The following CMKLR1 variants were observed in gnomAD, a reference collection of about 807,000 sequenced individuals.
The protein encoded by CMKLR1 is chemerin chemokine-like receptor 1.
In CMKLR1, 6 loss-of-function variants were observed where a neutral mutation model predicts 8.2. The observed-to-expected ratio is 0.73, with a 90% confidence interval of 0.40 to 1.44. CMKLR1 has a LOEUF of 1.44. Ranked by LOEUF, CMKLR1 falls within the 40% of genes most tolerant of loss-of-function variation. CMKLR1 has a pLI of 0.02. For synonymous variants in CMKLR1, 178 were observed against 181.2 expected, an observed-to-expected ratio of 0.98 and a Z score of 0.14; for missense variants, 429 against 478.0, an observed-to-expected ratio of 0.90 and a Z score of 0.96.
At chr12:108,302,991 A>AAAAC (rs891693699) in intron 2 of CMKLR1, among the ~76,000 whole-genome samples, 2 of 152,196 alleles carry the variant, frequency 1.3e-5, no homozygotes, top group Non-Finnish European at 2.9e-5. Context: ...AGGAAACCCC[A>AAAAC]AAACAAACAA....
intron 2 of CMKLR1, among the ~76,000 whole-genome samples, chr12:108,320,865 G>A (rs1289901607): frequency 6.6e-6 from 1 of 152,216 alleles, no homozygotes; most frequent in African/African-American, 2.4e-5. Flanking sequence ...AGCCAAAAGT[G>A]CTTGTAAACC....
At chr12:108,331,296 G>A (rs1892100893) in intron 1 of CMKLR1, among the ~76,000 whole-genome samples, 1 of 152,152 alleles carries the variant, frequency 6.6e-6, no homozygotes, top group Admixed American at 6.5e-5. Flanking sequence ...AGAGTCAGCA[G>A]GTTCATAAGT....
intron 2 of CMKLR1, among the ~76,000 whole-genome samples, chr12:108,314,733 T>G (rs1232264675): frequency 6.6e-6 from 1 of 152,096 alleles, no homozygotes; most frequent in Non-Finnish European, 1.5e-5. Context: ...TACTCTTTCT[T>G]TTTTCCCCCT....
intron 2 of CMKLR1, among the ~76,000 whole-genome samples, chr12:108,304,210 C>A (rs1280235945): frequency 6.6e-6 from 1 of 152,172 alleles, no homozygotes; most frequent in Non-Finnish European, 1.5e-5. Context: ...GCTATACTCT[C>A]CAGGCACCAA....
At chr12:108,331,270 G>T (rs1207012571) in intron 1 of CMKLR1, among the ~76,000 whole-genome samples, 1 of 152,152 alleles carries the variant, frequency 6.6e-6, no homozygotes, top group African/African-American at 2.4e-5. Flanking sequence ...TCACAGATGG[G>T]AGAACCCCCT....
intron 2 of CMKLR1, among the ~76,000 whole-genome samples, chr12:108,325,232 C>T (rs1261807677): frequency 1.3e-5 from 2 of 152,164 alleles, no homozygotes; most frequent in African/African-American, 2.4e-5. Flanking sequence ...CCTCATGAGT[C>T]GTTCTGGAAA....
chr12:108,297,571 A>G (rs1891169507), intron 2 of CMKLR1, among the ~76,000 whole-genome samples: 1 of 152,228 alleles, frequency 6.6e-6, no homozygotes, highest in Non-Finnish European at 1.5e-5. Context: ...GCAAGACTCC[A>G]TAATAGCCCT....
chr12:108,299,508 C>G (rs1319417280), intron 2 of CMKLR1, among the ~76,000 whole-genome samples: 1 of 152,164 alleles, frequency 6.6e-6, no homozygotes, highest in Non-Finnish European at 1.5e-5. Flanking sequence ...CCACCCCCTG[C>G]CCCCAAATGG....
chr12:108,292,841 A>G lies in CMKLR1; in HGVS notation c.122T>C (p.Ile41Thr), dbSNP rs1308782681. The change falls in exon 4 of 4, where the codon ATC becomes ACC. Residue 41 changes from isoleucine (I) to threonine (T), a missense_variant. Ile to Thr is a moderately conservative substitution (Grantham distance 89). Coordinates refer to ENST00000550402, the MANE Select transcript of CMKLR1 (RefSeq NM_001142343.2). ...GATGCTGTAGACCACCACCAGGAAG[A>G]TCCTGGTCACCCTGGCTTCCAAGGG... ...LSPLEARVTR[I>T]FLVVVYSIVC... 3.7e-6 allele frequency: 6 copies of G among 1,614,130 alleles called. No individual in the cohort carries two copies. In the East Asian group the frequency reaches 1.1e-4, roughly 30 times the overall value.
At position 108,292,453 on chromosome 12, in the gene CMKLR1, C is replaced by A. The variant is rs780728645; in HGVS notation, c.510G>T (p.Leu170Phe). The A allele has an allele frequency of 1.8e-5, 29 of 1,614,024 alleles. No homozygotes were observed. The highest frequency in any genetic ancestry group is 2.1e-5 in the Non-Finnish European group (25 of 1,180,038). The change falls in exon 4 of 4, where the codon TTG becomes TTT. Residue 170 changes from leucine to phenylalanine, a missense_variant. Leu to Phe is a conservative substitution (Grantham distance 22, BLOSUM62 0). Coordinates refer to ENST00000550402, the MANE Select transcript of CMKLR1 (RefSeq NM_001142343.2). ...CMVIWVLAFF[L>F]SSPSLVFRDT... ...CCCGGAAGACGAGAGATGGGGAACTCAAGAAGAAAGCCAGGACCCAGATGA... is the reference window on the plus strand; with the variant it reads ...CCCGGAAGACGAGAGATGGGGAACTAAAGAAGAAAGCCAGGACCCAGATGA...
At chr12:108,303,278 G>A (rs1891325516) in intron 2 of CMKLR1, among the ~76,000 whole-genome samples, 2 of 152,220 alleles carry the variant, frequency 1.3e-5, no homozygotes, top group East Asian at 3.9e-4. Context: ...TGGTCACCAG[G>A]CAGACAGTTG....
rs1160184185 is a variant in CMKLR1 at position 108,290,099 on chromosome 12, A to T, written c.*1742T>A. Reference sequence around the variant, plus strand: ...GGAGGCTGTTAATGGCTGTTGAGGGAGCTGGAAGCCAAGTGCATTTTCTCT... The same window carrying T: ...GGAGGCTGTTAATGGCTGTTGAGGGTGCTGGAAGCCAAGTGCATTTTCTCT... On this transcript the variant is annotated 3_prime_UTR_variant, in exon 4 of 4. Transcript: ENST00000550402. The T allele has an allele frequency of 1.3e-5, 2 of 152,242 alleles. No individual in the cohort carries two copies. Among genetic ancestry groups the T allele is most frequent in the Non-Finnish European group, 2.9e-5 (2 of 68,046 alleles). The allele number at this position is 152,242 out of a possible 1,614,324, so 9.4% of individuals were successfully genotyped here.
At chr12:108,312,013 T>C (rs1369502507) in intron 2 of CMKLR1, among the ~76,000 whole-genome samples, 1 of 152,152 alleles carries the variant, frequency 6.6e-6, no homozygotes, top group Non-Finnish European at 1.5e-5. Context: ...CCCAGCCTCA[T>C]GTGCACAAAT....
intron 2 of CMKLR1, among the ~76,000 whole-genome samples, chr12:108,312,129 CA>C (rs1891598044): frequency 6.6e-6 from 1 of 152,186 alleles, no homozygotes; most frequent in Non-Finnish European, 1.5e-5. Context: ...TGTGTCCTGA[CA>C]ATCCATCTTC....
chr12:108,326,016 A>G (rs918464117), intron 2 of CMKLR1, among the ~76,000 whole-genome samples: 1 of 152,072 alleles, frequency 6.6e-6, no homozygotes, highest in African/African-American at 2.4e-5. Context: ...TGAGTGCACC[A>G]AGATTGGGAC....
chr12:108,300,506 T>TC (rs1891240126), intron 2 of CMKLR1, among the ~76,000 whole-genome samples: 1 of 152,130 alleles, frequency 6.6e-6, no homozygotes, highest in African/African-American at 2.4e-5. Context: ...TGCTTGTTTT[T>TC]CTGTCTCACT....
intron 2 of CMKLR1, among the ~76,000 whole-genome samples, chr12:108,294,902 T>G (rs559689252): frequency 6.6e-6 from 1 of 152,348 alleles, no homozygotes; most frequent in East Asian, 1.9e-4. Flanking sequence ...TTATATTTTA[T>G]TACATAAAAG....
intron 2 of CMKLR1, among the ~76,000 whole-genome samples, chr12:108,313,790 AC>A (rs1186535198): frequency 6.6e-6 from 1 of 152,148 alleles, no homozygotes; most frequent in Non-Finnish European, 1.5e-5. Context: ...CACCAGTAGA[AC>A]TTCTAGAAAG....
At chr12:108,309,468 A>C (rs1257939552) in intron 2 of CMKLR1, among the ~76,000 whole-genome samples, 3 of 151,630 alleles carry the variant, frequency 2.0e-5, no homozygotes, top group African/African-American at 7.3e-5. Flanking sequence ...CCAGCAGCTT[A>C]GGGCTGCAGT....
Sources: gnomAD v4.1 joint callset for allele counts (sites outside exome capture counted in the v4.1 genomes callset) on GRCh38, gnomAD v4.1.1 for gene constraint, MANE v1.5 for transcripts, NCBI Gene and HGNC (gene_info 2026-07-23, HGNC 2026-07-21) for gene names.